Variants in DYNC1I1 observed in about 807,000 individuals in gnomAD.
DYNC1I1 encodes the protein dynein cytoplasmic 1 intermediate chain 1.
DYNC1I1 carries 43 observed loss-of-function variants against 86.6 expected under a neutral mutation model. The ratio of observed to expected loss-of-function variants is 0.50; its 90% CI spans 0.39 to 0.64. The LOEUF (loss-of-function observed/expected upper bound fraction) is 0.64, where lower values mean the gene tolerates loss of function less well. Ranked by LOEUF, DYNC1I1 falls within the 30% of genes least tolerant of loss-of-function variation. The probability of loss-of-function intolerance (pLI) is 0.00; values close to 1 mark genes in which losing one functional copy is unlikely to be tolerated. For synonymous variants in DYNC1I1, 262 were observed against 283.7 expected (o/e 0.92, Z 0.77); for missense variants, 604 against 788.8 (o/e 0.77, Z 2.81).
At chr7:95,988,356 C>G (rs1793648688) in intron 9 of DYNC1I1, among the ~76,000 whole-genome samples, 1 of 152,062 alleles carries the variant, frequency 6.6e-6, no homozygotes, top group South Asian at 2.1e-4. Context: ...GAGACTCCAT[C>G]TCAAAAAACA....
chr7:95,944,532 C>T (rs1299798828), intron 6 of DYNC1I1, among the ~76,000 whole-genome samples: 2 of 152,042 alleles, frequency 1.3e-5, no homozygotes, highest in Non-Finnish European at 2.9e-5. Flanking sequence ...GGGTATATAC[C>T]CAAAGGACTA....
At chr7:95,840,915 C>T (rs1263251769) in intron 5 of DYNC1I1, among the ~76,000 whole-genome samples, 1 of 152,188 alleles carries the variant, frequency 6.6e-6, no homozygotes, top group Non-Finnish European at 1.5e-5. Flanking sequence ...TCCAGCTCTC[C>T]TTATGCATCT....
chr7:96,091,210 C>T (rs1009998344), intron 16 of DYNC1I1, among the ~76,000 whole-genome samples: 1 of 152,096 alleles, frequency 6.6e-6, no homozygotes, highest in South Asian at 2.1e-4. Flanking sequence ...CTGTGGAAAC[C>T]GATGTACATT....
intron 6 of DYNC1I1, among the ~76,000 whole-genome samples, chr7:95,905,242 G>A (rs935975568): frequency 2.0e-5 from 3 of 152,148 alleles, no homozygotes; most frequent in African/African-American, 7.2e-5. Flanking sequence ...AGTAATTGAG[G>A]TCATAAATAG....
At chr7:95,809,790 A>G (rs1411070745) in intron 2 of DYNC1I1, among the ~76,000 whole-genome samples, 1 of 152,184 alleles carries the variant, frequency 6.6e-6, no homozygotes, top group Admixed American at 6.6e-5. Flanking sequence ...GTTAGTATAT[A>G]TAATGGAATG....
At chr7:96,020,227 T>A (rs1794510505) in intron 10 of DYNC1I1, among the ~76,000 whole-genome samples, 1 of 151,920 alleles carries the variant, frequency 6.6e-6, no homozygotes, top group Non-Finnish European at 1.5e-5. Flanking sequence ...ACACTGTTGA[T>A]AAAAACATAC....
At position 96,006,037 on chromosome 7, in the gene DYNC1I1, G is replaced by A. The variant is rs575333746; in HGVS notation, c.969+9964G>A. ...GAAGAAAACAAGGGGGGAGCAGGAA[G>A]AGTAGGAAGGTCCCTGTCACAGGAA... On this transcript the variant is annotated intron_variant, in intron 10 of 16. Transcript: ENST00000447467. 1.7e-4 allele frequency among the ~76,000 whole-genome samples: 26 copies of A among 152,316 alleles called. No individual in the cohort carries two copies. In the South Asian group the frequency reaches 5.4e-3, roughly 32 times the overall value.
intron 6 of DYNC1I1, among the ~76,000 whole-genome samples, chr7:95,927,932 G>A (rs1309162523): frequency 6.6e-6 from 1 of 152,170 alleles, no homozygotes; most frequent in Non-Finnish European, 1.5e-5. Flanking sequence ...CACAACCCAG[G>A]ATGGAGGGTA....
chr7:96,024,058 A>G (rs1794618680), intron 10 of DYNC1I1, among the ~76,000 whole-genome samples: 1 of 152,138 alleles, frequency 6.6e-6, no homozygotes, highest in African/African-American at 2.4e-5. Context: ...GTTTTTCATC[A>G]AGCTTGTTAC....
rs1171274586 is a variant in DYNC1I1, at chr7:95,785,771, A to ATGTG, written c.-10+13000_-10+13003dup. 7.1e-3 allele frequency among the ~76,000 whole-genome samples: 372 copies of ATGTG among 52,664 alleles called. 2 individuals carry two copies. The highest frequency in any genetic ancestry group is 0.014 in the African/African-American group (238 of 16,934). The allele number at this position is 52,664 out of a possible 152,430, so 34.5% of individuals were successfully genotyped here. A position where few individuals can be genotyped will look rare whatever the true frequency, so the allele number is the denominator to read the frequency against. On this transcript the variant is annotated intron_variant, in intron 1 of 16. Coordinates refer to ENST00000447467, the MANE Select transcript of DYNC1I1 (RefSeq NM_001135556.2). The stretch of plus-strand genomic sequence containing the variant: ...TGTGTGTATGTATATATATGTGTGT[A>ATGTG]TGTGTATATATATATATATATATAT...
chr7:95,793,108 G>C (rs548130465), intron 1 of DYNC1I1, among the ~76,000 whole-genome samples: 50 of 152,060 alleles, frequency 3.3e-4, no homozygotes, highest in Admixed American at 3.3e-4. Flanking sequence ...TTGCGTGGAG[G>C]ACGTATCATC....
chr7:96,040,059 C>T (rs1273933574), intron 14 of DYNC1I1, among the ~76,000 whole-genome samples: 2 of 151,844 alleles, frequency 1.3e-5, no homozygotes, highest in Non-Finnish European at 1.5e-5. Flanking sequence ...CATGGTGAAG[C>T]CCCATTTCTA....
At chr7:95,976,688 A>AT (rs958739812) in intron 6 of DYNC1I1, among the ~76,000 whole-genome samples, 1 of 152,168 alleles carries the variant, frequency 6.6e-6, no homozygotes, top group African/African-American at 2.4e-5. Context: ...GCAAATTTTA[A>AT]TTTTTTATGT....
chr7:95,861,371 T>A (rs1172213544), intron 5 of DYNC1I1, among the ~76,000 whole-genome samples: 1 of 152,216 alleles, frequency 6.6e-6, no homozygotes, highest in African/African-American at 2.4e-5. Flanking sequence ...TGCATTCTCA[T>A]ACTAAAACAA....
At chr7:95,860,741 G>A (rs769864042) in intron 5 of DYNC1I1, among the ~76,000 whole-genome samples, 49 of 152,248 alleles carry the variant, frequency 3.2e-4, no homozygotes, top group Non-Finnish European at 6.8e-4. Context: ...GGTGTCTTGT[G>A]AGGGCCTTAT....
chr7:95,844,910 T>C (rs73228420), intron 5 of DYNC1I1, among the ~76,000 whole-genome samples: 1 of 152,352 alleles, frequency 6.6e-6, no homozygotes, highest in Non-Finnish European at 1.5e-5. Context: ...CCCTCTCATT[T>C]TCCTAACCTG....
intron 16 of DYNC1I1, among the ~76,000 whole-genome samples, chr7:96,108,671 G>C (rs1791257191): frequency 6.6e-6 from 1 of 151,842 alleles, no homozygotes; most frequent in African/African-American, 2.4e-5. Context: ...AGACCAGCCT[G>C]GCCAAGATGG....
downstream of DYNC1I1, chr7:96,110,171 T>A (rs1164420066): frequency 1.9e-5 from 7 of 366,800 alleles, no homozygotes; most frequent in East Asian, 9.8e-5. Context: ...TTCTTTCAGT[T>A]CTATCAGCTT....
intron 5 of DYNC1I1, among the ~76,000 whole-genome samples, chr7:95,844,601 G>T (rs1333525276): frequency 6.6e-6 from 1 of 152,034 alleles, no homozygotes; most frequent in Non-Finnish European, 1.5e-5. Context: ...GGGCGGCGGG[G>T]GGTTAGAGGA....
Sources: allele counts gnomAD v4.1 joint callset (sites outside exome capture counted in the v4.1 genomes callset), GRCh38; gene constraint gnomAD v4.1.1; transcripts MANE v1.5; gene names NCBI Gene and HGNC (gene_info 2026-07-23, HGNC 2026-07-21).